The following FRMD4B variants were observed in gnomAD, a reference collection of about 807,000 sequenced individuals.
FRMD4B encodes the protein FERM domain containing 4B.
FRMD4B carries 74 observed loss-of-function variants against 141.5 expected under a neutral mutation model. The ratio of observed to expected loss-of-function variants is 0.52; its 90% confidence interval spans 0.43 to 0.63. The LOEUF (loss-of-function observed/expected upper bound fraction) is 0.63. Ranked by LOEUF, FRMD4B falls within the 30% of genes least tolerant of loss-of-function variation. FRMD4B has a pLI of 0.00. For synonymous variants in FRMD4B, 506 were observed against 467.9 expected (o/e 1.08, Z -1.05); for missense variants, 1,366 against 1,253.4 (o/e 1.09, Z -1.36).
intron 1 of FRMD4B, among the ~76,000 whole-genome samples, chr3:69,453,827 G>A (rs1233835741): frequency 1.3e-5 from 2 of 152,210 alleles, no homozygotes; most frequent in Non-Finnish European, 2.9e-5. Context: ...GCAGTGATGT[G>A]TACCAGAAAG....
intron 7 of FRMD4B, among the ~76,000 whole-genome samples, chr3:69,234,117 G>A (rs984353241): frequency 3.3e-5 from 5 of 151,928 alleles, no homozygotes; most frequent in East Asian, 1.9e-4. Context: ...CTGGTGGCGC[G>A]TGCGTGTAGT....
chr3:69,277,464 T>C (rs1452705692), intron 5 of FRMD4B, among the ~76,000 whole-genome samples: 6 of 152,004 alleles, frequency 3.9e-5, no homozygotes, highest in Non-Finnish European at 8.8e-5. Flanking sequence ...TTGGCTTTAT[T>C]ATTTAATGAT....
rs1437204376 is a variant in FRMD4B, at chr3:69,256,805, C to A, written c.502-6706G>T. Among the ~76,000 whole-genome samples the A allele has an allele frequency of 2.0e-5, 3 of 152,314 alleles. No homozygotes were observed. The East Asian group carries it at 5.8e-4, about 29-fold the overall frequency. The stretch of plus-strand genomic sequence containing the variant: ...GGCCATAGCTACTACATTTGCACCC[C>A]ACTCCTACTCACATCCTTTGGGTAC... On this transcript the variant is annotated intron_variant, in intron 5 of 22. Coordinates refer to ENST00000398540, the MANE Select transcript of FRMD4B (RefSeq NM_015123.3).
At chr3:69,292,815 CT>C (rs35818040) in intron 4 of FRMD4B, among the ~76,000 whole-genome samples, 5,264 of 120,850 alleles carry the variant, frequency 0.044, 69 homozygotes, top group African/African-American at 0.076. Flanking sequence ...TTTTTTCAGC[CT>C]TTTTTTTTTT....
chr3:69,542,538 G>C (rs558305458), exon 1 of FRMD4B: 3 of 152,360 alleles, frequency 2.0e-5, no homozygotes, highest in Non-Finnish European at 2.9e-5. Context: ...GCTGTGCCCC[G>C]GGCCGCCTTT....
intron 1 of FRMD4B, among the ~76,000 whole-genome samples, chr3:69,344,772 G>C (rs185232127): frequency 2.6e-5 from 4 of 152,150 alleles, no homozygotes; most frequent in Non-Finnish European, 5.9e-5. Flanking sequence ...TAGTATAAAA[G>C]CATGTTCCTG....
chr3:69,196,223 G>C (rs1431138149), intron 14 of FRMD4B, 32 bp downstream of exon 14: 1 of 1,523,854 alleles, frequency 6.6e-7, no homozygotes. Context: ...AAATAAAGAT[G>C]GCTTGCACGT....
intron 1 of FRMD4B, among the ~76,000 whole-genome samples, chr3:69,381,926 C>A (rs1247235479): frequency 6.6e-6 from 1 of 152,216 alleles, no homozygotes; most frequent in African/African-American, 2.4e-5. Context: ...CCCTTCCCCT[C>A]TAGCCTCAGC....
chr3:69,498,842 T>A (rs1189936062), intron 1 of FRMD4B, among the ~76,000 whole-genome samples: 1 of 152,210 alleles, frequency 6.6e-6, no homozygotes, highest in African/African-American at 2.4e-5. Context: ...TGAGTATTTA[T>A]CGAATATCTA....
intron 17 of FRMD4B, among the ~76,000 whole-genome samples, chr3:69,192,041 TA>T (rs1261369550): frequency 2.0e-5 from 3 of 152,072 alleles, no homozygotes; most frequent in Non-Finnish European, 1.5e-5. Context: ...CAAAAAATAA[TA>T]AAAAAAGTAC....
At chr3:69,456,349 T>A (rs551169715) in intron 1 of FRMD4B, among the ~76,000 whole-genome samples, 1 of 152,216 alleles carries the variant, frequency 6.6e-6, no homozygotes, top group African/African-American at 2.4e-5. Context: ...AAAATTCATA[T>A]GCCTTTTGAC....
chr3:69,237,114 G>A (rs2093349990), intron 7 of FRMD4B, among the ~76,000 whole-genome samples: 1 of 152,190 alleles, frequency 6.6e-6, no homozygotes, highest in Non-Finnish European at 1.5e-5. Flanking sequence ...CCCACAGTAG[G>A]TGGCAACAGA....
At chr3:69,528,256 C>CCCTTCCTTCCTTCCTA (rs1190278568) in intron 1 of FRMD4B, among the ~76,000 whole-genome samples, 1 of 150,584 alleles carries the variant, frequency 6.6e-6, no homozygotes, top group Non-Finnish European at 1.5e-5. Context: ...CTCCCTCCCT[C>CCCTTCCTTCCTTCCTA]CCTTCCTTCC....
intron 2 of FRMD4B, among the ~76,000 whole-genome samples, chr3:69,393,428 C>A (rs951342973): frequency 6.6e-6 from 1 of 151,474 alleles, no homozygotes; most frequent in Non-Finnish European, 1.5e-5. Flanking sequence ...CCTGCCAGAT[C>A]AAATTTTAGA....
Position 69,171,653 on chromosome 3 carries a change from C to A in FRMD4B, c.*208G>T. The A allele has an allele frequency of 1.9e-6, 1 of 522,230 alleles. No homozygotes were observed. Among genetic ancestry groups the A allele is most frequent in the South Asian group, 2.3e-5 (1 of 43,800 alleles). The allele number at this position is 522,230 out of a possible 1,614,324, so 32.3% of individuals were successfully genotyped here. A position where few individuals can be genotyped will look rare whatever the true frequency, so the allele number is the denominator to read the frequency against. On this transcript the variant is annotated 3_prime_UTR_variant, in exon 23 of 23. Coordinates refer to ENST00000398540, the MANE Select transcript of FRMD4B (RefSeq NM_015123.3). ...GCAGACCCTACAGTTACGTTAGTGCCTAGAGTTTGAAAGGCCAAATCCTCC... is the reference window on the plus strand; with the variant it reads ...GCAGACCCTACAGTTACGTTAGTGCATAGAGTTTGAAAGGCCAAATCCTCC...
intron 11 of FRMD4B, among the ~76,000 whole-genome samples, chr3:69,203,320 C>CAAAAAAAAAA (rs796607832): frequency 7.4e-5 from 8 of 107,896 alleles, no homozygotes; most frequent in East Asian, 3.4e-4. Flanking sequence ...CAAACTTCAG[C>CAAAAAAAAAA]AAAAAAAAAA....
chr3:69,366,471 T>A (rs1274106207), intron 1 of FRMD4B, among the ~76,000 whole-genome samples: 2 of 103,540 alleles, frequency 1.9e-5, no homozygotes, highest in Non-Finnish European at 2.0e-5. Context: ...CACCTCGTGA[T>A]CATGGTATCT....
chr3:69,320,538 C>G (rs1267998318), intron 1 of FRMD4B, among the ~76,000 whole-genome samples: 1 of 152,046 alleles, frequency 6.6e-6, no homozygotes, highest in Non-Finnish European at 1.5e-5. Context: ...CAAGACCAGC[C>G]TGGGCAATAC....
chr3:69,270,379 C>T (rs2093588432), intron 5 of FRMD4B, among the ~76,000 whole-genome samples: 1 of 152,180 alleles, frequency 6.6e-6, no homozygotes, highest in South Asian at 2.1e-4. Flanking sequence ...ATGACATCTG[C>T]TTCTACTGTG....
Sources: gnomAD v4.1 joint callset for allele counts (sites outside exome capture counted in the v4.1 genomes callset) on GRCh38, gnomAD v4.1.1 for gene constraint, MANE v1.5 for transcripts, NCBI Gene and HGNC (gene_info 2026-07-23, HGNC 2026-07-21) for gene names.